The following PPP2R1A variants were observed in gnomAD, a reference collection of about 807,000 sequenced individuals.
PPP2R1A encodes protein phosphatase 2 scaffold subunit Aalpha, also known as serine/threonine-protein phosphatase 2A 65 kDa regulatory subunit A alpha isoform.
Under a neutral mutation model 67.1 loss-of-function variants are expected in PPP2R1A, and 15 were observed. That is an observed-to-expected ratio of 0.22 (90% CI 0.15 to 0.34). The LOEUF is 0.34. Ranked by LOEUF, PPP2R1A falls within the 10% of genes least tolerant of loss-of-function variation. PPP2R1A has a pLI of 1.00. For missense variants in PPP2R1A, 369 were observed against 775.0 expected (o/e 0.48, Z 6.22); for synonymous variants, 337 against 325.0 (o/e 1.04, Z -0.40).
At position 52,214,875 on chromosome 19, in the gene PPP2R1A, C is replaced by T. The variant is rs956113289; in HGVS notation, c.808-904C>T. Among the ~76,000 whole-genome samples, 18 of 151,968 alleles carry T rather than the reference C, an allele frequency of 1.2e-4. 1 individual carries two copies. Among genetic ancestry groups the T allele is most frequent in the Non-Finnish European group, 2.9e-5 (2 of 67,982 alleles). On this transcript the variant is annotated intron_variant, in intron 6 of 14. Coordinates refer to ENST00000322088, the MANE Select transcript of PPP2R1A (RefSeq NM_014225.6). Reference sequence around the variant, plus strand: ...CTGAGTAGCTGGAATTACAGGTGTGCACCACCACACCCAGCTAATTTTGTA... The same window carrying T: ...CTGAGTAGCTGGAATTACAGGTGTGTACCACCACACCCAGCTAATTTTGTA...
intron 2 of PPP2R1A, among the ~76,000 whole-genome samples, chr19:52,205,335 G>GCCTCTTCCTTC (rs2089591290): frequency 2.0e-5 from 3 of 152,168 alleles, no homozygotes; most frequent in Non-Finnish European, 4.4e-5. Flanking sequence ...CAGCAAACCT[G>GCCTCTTCCTTC]AATTGCTGTC....
At chr19:52,220,128 G>C (rs1264641557) in intron 10 of PPP2R1A, 61 bp from the exon 11 acceptor site, 3 of 1,556,780 alleles carry the variant, frequency 1.9e-6, no homozygotes, top group Non-Finnish European at 2.7e-6. Flanking sequence ...GATGTGGCTA[G>C]CAGCTCCCCC....
Position 52,211,679 on chromosome 19 carries a change from T to C in PPP2R1A, c.503+187T>C. ...CTCTGGACACGGCCACGTGTCAGTT[T>C]ACCCACCTCTGCCCCCTTGCTCACT... On this transcript the variant is annotated intron_variant, in intron 4 of 14. Coordinates refer to ENST00000322088, the MANE Select transcript of PPP2R1A (RefSeq NM_014225.6). This position sits in a 1 kb window ranked among gnomAD's most constrained non-coding sequence, Gnocchi z 5.3. 1.6e-6 allele frequency: 1 copy of C among 621,858 alleles called. No individual in the cohort carries two copies. The allele number at this position is 621,858 out of a possible 1,614,324, so 38.5% of individuals were successfully genotyped here.
intron 3 of PPP2R1A, among the ~76,000 whole-genome samples, chr19:52,209,518 T>TA (rs2089643055): frequency 2.0e-5 from 3 of 152,262 alleles, no homozygotes; most frequent in African/African-American, 7.2e-5. Context: ...AGTTTTACTG[T>TA]AAAAATATAC....
chr19:52,221,041 G>C lies in PPP2R1A; in HGVS notation c.1426G>C (p.Glu476Gln). ...GAAGCTAGTGGAAAAGTTTGGGAAGGAGTGGGCCCATGCCACAATCATCCC... is the reference window on the plus strand; with the variant it reads ...GAAGCTAGTGGAAAAGTTTGGGAAGCAGTGGGCCCATGCCACAATCATCCC... ...LKKLVEKFGK[E>Q]WAHATIIPKV... The change falls in exon 12 of 15, where the codon GAG becomes CAG. Residue 476 changes from glutamate to glutamine, a missense_variant. Transcript: ENST00000322088. 1 of 1,614,242 alleles carries C rather than the reference G, an allele frequency of 6.2e-7. No homozygotes were observed. The highest frequency in any genetic ancestry group is 8.5e-7 in the Non-Finnish European group (1 of 1,180,034).
At chr19:52,197,006 T>C (rs1253597135) in intron 1 of PPP2R1A, among the ~76,000 whole-genome samples, 1 of 152,126 alleles carries the variant, frequency 6.6e-6, no homozygotes, top group African/African-American at 2.4e-5. Flanking sequence ...TTTCCAGGGG[T>C]CATGTGTACA....
At chr19:52,202,115 T>A in intron 2 of PPP2R1A, 81 bp downstream of exon 2, 1 of 1,236,198 alleles carries the variant, frequency 8.1e-7, no homozygotes, top group Non-Finnish European at 1.2e-6. Flanking sequence ...ACTTGTGGAT[T>A]TAACATATTG....
intron 3 of PPP2R1A, among the ~76,000 whole-genome samples, chr19:52,208,446 G>A (rs765838328): frequency 1.6e-4 from 25 of 152,122 alleles, no homozygotes; most frequent in Non-Finnish European, 3.4e-4. Context: ...TAGGATTACA[G>A]GTGTGAGCCA....
intron 2 of PPP2R1A, among the ~76,000 whole-genome samples, 156 bp from the exon 3 acceptor site, chr19:52,205,807 T>C (rs776596596): frequency 1.3e-5 from 2 of 152,102 alleles, no homozygotes; most frequent in Non-Finnish European, 2.9e-5. Context: ...CCTTAATATC[T>C]GTGGCAGCCC....
chr19:52,198,704 T>G (rs1189628424), intron 1 of PPP2R1A, among the ~76,000 whole-genome samples: 2 of 152,190 alleles, frequency 1.3e-5, no homozygotes, highest in Non-Finnish European at 2.9e-5. Flanking sequence ...ACAAACATTT[T>G]TGCCTAAATG....
In PPP2R1A at chr19:52,212,670, C is replaced by T. The variant is rs753055903; in HGVS notation, c.504-16C>T. The T allele has an allele frequency of 5.7e-5, 91 of 1,610,232 alleles. No homozygotes were observed. Among genetic ancestry groups the T allele is most frequent in the Admixed American group, 2.2e-4 (13 of 59,958 alleles). On this transcript the variant is annotated splice_polypyrimidine_tract_variant and intron_variant, in intron 4 of 14. Transcript: ENST00000322088. The surrounding 1 kb of genome is among the most constrained non-coding windows in gnomAD (Gnocchi z 4.1). Reference sequence around the variant, plus strand: ...ATACTGCCTGCTGCCTCAGGATCCCCGTCCCCGACTCCCAGGTACTTCCGG... The same window carrying T: ...ATACTGCCTGCTGCCTCAGGATCCCTGTCCCCGACTCCCAGGTACTTCCGG...
intron 1 of PPP2R1A, among the ~76,000 whole-genome samples, chr19:52,193,121 G>A (rs971539715): frequency 6.6e-6 from 1 of 152,206 alleles, no homozygotes; most frequent in Non-Finnish European, 1.5e-5. Flanking sequence ...CTTTGAAGTA[G>A]GTCCTGTCCT....
intron 9 of PPP2R1A, among the ~76,000 whole-genome samples, chr19:52,218,616 A>C (rs556192505): frequency 6.6e-6 from 1 of 152,306 alleles, no homozygotes; most frequent in South Asian, 2.1e-4. Context: ...TATAGATATT[A>C]ATACAATTTA....
intron 1 of PPP2R1A, among the ~76,000 whole-genome samples, chr19:52,197,820 TC>T (rs1246446410): frequency 6.6e-6 from 1 of 152,252 alleles, no homozygotes; most frequent in Non-Finnish European, 1.5e-5. Flanking sequence ...CTTTGTGTTC[TC>T]TGCCTCAAGA....
At chr19:52,205,055 A>C (rs2089588458) in intron 2 of PPP2R1A, among the ~76,000 whole-genome samples, 1 of 152,160 alleles carries the variant, frequency 6.6e-6, no homozygotes, top group South Asian at 2.1e-4. Flanking sequence ...CACCACTTAC[A>C]CTCACACCCC....
intron 2 of PPP2R1A, among the ~76,000 whole-genome samples, chr19:52,202,444 C>G (rs1481301187): frequency 6.6e-6 from 1 of 152,228 alleles, no homozygotes; most frequent in East Asian, 1.9e-4. Flanking sequence ...AGGTGGTGTT[C>G]TACACCGTAT....
chr19:52,211,457 C>G lies in PPP2R1A; in HGVS notation c.468C>G (p.Pro156=), dbSNP rs758930597. 5 of 1,613,860 alleles carry G rather than the reference C, an allele frequency of 3.1e-6. No homozygotes were observed. The Admixed American group carries it at 5.0e-5, about 16-fold the overall frequency. The part of the protein sequence containing the change: ...SACGLFSVCY[P]RVSSAVKAEL... ...GCGGCCTCTTCTCCGTCTGCTACCC[C>G]CGAGTGTCCAGTGCTGTGAAGGCGG... Residue 156 remains proline, a synonymous_variant, in exon 4 of 15, where the codon CCC becomes CCG. Coordinates refer to ENST00000322088, the MANE Select transcript of PPP2R1A (RefSeq NM_014225.6). The surrounding 1 kb of genome is among the most constrained non-coding windows in gnomAD (Gnocchi z 5.3).
chr19:52,200,220 G>T (rs577610814), intron 1 of PPP2R1A: 1 of 152,332 alleles, frequency 6.6e-6, no homozygotes, highest in South Asian at 2.1e-4. Flanking sequence ...TCCCCCTCAT[G>T]AAAGCATTTC....
Position 52,202,123 on chromosome 19 carries a change from T to C in PPP2R1A, c.169+89T>C, listed in dbSNP as rs554956306. On this transcript the variant is annotated intron_variant, in intron 2 of 14. Coordinates refer to ENST00000322088, the MANE Select transcript of PPP2R1A (RefSeq NM_014225.6). ...AGAGAAGACTTGTGGATTTAACATA[T>C]TGTTTGTGAATATCTGCCCTGTGTT... 124 of 1,163,810 alleles carry C rather than the reference T, an allele frequency of 1.1e-4. 1 individual carries two copies. The African/African-American group carries it at 1.8e-3, about 17-fold the overall frequency. The allele number at this position is 1,163,810 out of a possible 1,614,324, so 72.1% of individuals were successfully genotyped here. A position where few individuals can be genotyped will look rare whatever the true frequency, so the allele number is the denominator to read the frequency against.
Sources: gnomAD v4.1 joint callset for allele counts (sites outside exome capture counted in the v4.1 genomes callset) on GRCh38, gnomAD v4.1.1 for gene constraint, Gnocchi (gnomAD v3.1) non-coding constraint, MANE v1.5 for transcripts, NCBI Gene and HGNC (gene_info 2026-07-23, HGNC 2026-07-21) for gene names.